Variants in ASTN2 observed in about 807,000 individuals in gnomAD.
ASTN2 encodes the protein astrotactin-2.
A neutral mutation model predicts 139.8 loss-of-function variants in ASTN2; 54 were observed. That is an observed-to-expected ratio of 0.39 (90% CI 0.31 to 0.48). The LOEUF is 0.48. ASTN2 is among the 20% of genes least tolerant of loss of function. The pLI, the probability that ASTN2 is intolerant of heterozygous loss-of-function variation, is 0.95. For synonymous variants in ASTN2, 756 were observed against 719.5 expected (o/e 1.05, Z -0.81); for missense variants, 1,565 against 1,725.1 (o/e 0.91, Z 1.64).
chr9:117,409,411 G>T (rs1029907046), intron 1 of ASTN2, among the ~76,000 whole-genome samples: 1 of 152,202 alleles, frequency 6.6e-6, no homozygotes, highest in African/African-American at 2.4e-5. Flanking sequence ...CGGTCTGCAA[G>T]GAAGTGGGTC....
At chr9:116,673,782 A>G (rs1463060513) in intron 16 of ASTN2, among the ~76,000 whole-genome samples, 1 of 152,160 alleles carries the variant, frequency 6.6e-6, no homozygotes, top group East Asian at 1.9e-4. Context: ...TGAGTTTTCT[A>G]TGCTCCAAAA....
At chr9:116,444,945 G>A (rs562562107) in intron 20 of ASTN2, among the ~76,000 whole-genome samples, 2 of 152,270 alleles carry the variant, frequency 1.3e-5, no homozygotes, top group African/African-American at 4.8e-5. Flanking sequence ...GGAGGTGAGA[G>A]TAAGCAAGTG....
intron 10 of ASTN2, among the ~76,000 whole-genome samples, chr9:116,885,859 T>C (rs1833582379): frequency 6.6e-6 from 1 of 150,448 alleles, no homozygotes; most frequent in African/African-American, 2.5e-5. Context: ...TCAAAGCATG[T>C]CCATCCATTC....
At chr9:116,565,447 A>T (rs1853182594) in intron 19 of ASTN2, among the ~76,000 whole-genome samples, 2 of 105,034 alleles carry the variant, frequency 1.9e-5, no homozygotes, top group Non-Finnish European at 1.9e-5. Flanking sequence ...ATTTATTTTG[A>T]GACAGTGTCT....
At chr9:117,200,245 C>T (rs532395568) in intron 3 of ASTN2, among the ~76,000 whole-genome samples, 1 of 146,828 alleles carries the variant, frequency 6.8e-6, no homozygotes, top group Non-Finnish European at 1.5e-5. Context: ...CCCTACCCAA[C>T]AACAGTCCCC....
At chr9:117,322,337 G>A (rs1299992627) in intron 1 of ASTN2, among the ~76,000 whole-genome samples, 2 of 152,262 alleles carry the variant, frequency 1.3e-5, no homozygotes, top group South Asian at 2.1e-4. Context: ...GAATAAATAC[G>A]TGTATGAACA....
intron 19 of ASTN2, among the ~76,000 whole-genome samples, chr9:116,609,858 A>G (rs1323089360): frequency 1.3e-5 from 2 of 152,166 alleles, no homozygotes; most frequent in African/African-American, 4.8e-5. Context: ...TAAGATTCCT[A>G]TGCTATACTT....
intron 7 of ASTN2, among the ~76,000 whole-genome samples, chr9:117,004,359 G>A (rs556890000): frequency 1.1e-4 from 16 of 152,162 alleles, no homozygotes; most frequent in Admixed American, 2.0e-4. Flanking sequence ...GGGCTCAAGC[G>A]ATCCACTTGC....
At chr9:117,026,642 A>T (rs554241838) in intron 6 of ASTN2, among the ~76,000 whole-genome samples, 82 of 152,226 alleles carry the variant, frequency 5.4e-4, no homozygotes, top group African/African-American at 2.0e-3. Context: ...TGAACTCAAT[A>T]TGGCAGCGCC....
At chr9:116,988,000 C>T (rs1240065254) in intron 7 of ASTN2, among the ~76,000 whole-genome samples, 1 of 152,178 alleles carries the variant, frequency 6.6e-6, no homozygotes, top group Non-Finnish European at 1.5e-5. Flanking sequence ...ACTCAGAATG[C>T]AGCCCAATTT....
At chr9:116,904,473 C>T (rs375767375) in intron 10 of ASTN2, among the ~76,000 whole-genome samples, 71 of 152,306 alleles carry the variant, frequency 4.7e-4, no homozygotes, top group African/African-American at 1.7e-3. Context: ...AGACTGCCTG[C>T]TCTCCAATCC....
rs1033076694 is a variant in ASTN2, at chr9:117,180,486, C to T, written c.1015+33872G>A. On this transcript the variant is annotated intron_variant, in intron 3 of 22. Transcript: ENST00000313400. ...TCCTCTTGAGGGAAGTTCTCATCCACATCGTCAGCACATTTGAATGCCATT... is the reference window on the plus strand; with the variant it reads ...TCCTCTTGAGGGAAGTTCTCATCCATATCGTCAGCACATTTGAATGCCATT... The T allele has an allele frequency of 8.5e-6, 5 of 585,954 alleles. No homozygotes were observed. The African/African-American group carries it at 9.3e-5, about 11-fold the overall frequency. The allele number at this position is 585,954 out of a possible 1,614,324, so 36.3% of individuals were successfully genotyped here.
intron 13 of ASTN2, among the ~76,000 whole-genome samples, chr9:116,800,124 G>A (rs1383467340): frequency 6.6e-6 from 1 of 152,012 alleles, no homozygotes; most frequent in African/African-American, 2.4e-5. Flanking sequence ...CTTCTTTCTT[G>A]ATCTTTTCAT....
chr9:117,201,689 C>T (rs1014944045), intron 3 of ASTN2, among the ~76,000 whole-genome samples: 28 of 152,160 alleles, frequency 1.8e-4, no homozygotes, highest in African/African-American at 5.8e-4. Flanking sequence ...TTTGATTGCA[C>T]TGTGGTGAGA....
At position 116,626,154 on chromosome 9, in the gene ASTN2, G is replaced by GTTTTTTT. The variant is rs751026997; in HGVS notation, c.3073-5718_3073-5712dup. On this transcript the variant is annotated intron_variant, in intron 17 of 22. Coordinates refer to ENST00000313400, the MANE Select transcript of ASTN2 (RefSeq NM_001365068.1). The stretch of plus-strand genomic sequence containing the variant: ...ACCACCATGCCTGGTTAGTTTTTGT[G>GTTTTTTT]TTTTTTTTTTTTTTTTTTTTTTTTT... Among the ~76,000 whole-genome samples, 263 of 34,464 alleles carry GTTTTTTT rather than the reference G, an allele frequency of 7.6e-3. 5 individuals carry two copies. Among genetic ancestry groups the GTTTTTTT allele is most frequent in the East Asian group, 0.027 (20 of 728 alleles). The allele number at this position is 34,464 out of a possible 152,430, so 22.6% of individuals were successfully genotyped here.
At chr9:117,023,640 C>T (rs1232581345) in intron 6 of ASTN2, among the ~76,000 whole-genome samples, 1 of 152,066 alleles carries the variant, frequency 6.6e-6, no homozygotes, top group Non-Finnish European at 1.5e-5. Context: ...TCCAGCACAG[C>T]ATCTTGACTG....
At chr9:117,153,970 G>A (rs976209440) in intron 3 of ASTN2, among the ~76,000 whole-genome samples, 3 of 152,054 alleles carry the variant, frequency 2.0e-5, no homozygotes, top group Non-Finnish European at 4.4e-5. Flanking sequence ...CTGGGAATGG[G>A]GATGAGGAGA....
chr9:116,554,548 C>T (rs940649271), intron 19 of ASTN2, among the ~76,000 whole-genome samples: 6 of 152,210 alleles, frequency 3.9e-5, no homozygotes, highest in African/African-American at 1.4e-4. Context: ...CAAATTAAGT[C>T]ATGAAGGATG....
intron 5 of ASTN2, among the ~76,000 whole-genome samples, chr9:117,062,422 C>T (rs2132690370): frequency 6.6e-6 from 1 of 152,302 alleles, no homozygotes; most frequent in African/African-American, 2.4e-5. Flanking sequence ...TCAGAATTCC[C>T]TATGAGACAT....
Sources: allele counts gnomAD v4.1 joint callset (sites outside exome capture counted in the v4.1 genomes callset), GRCh38; gene constraint gnomAD v4.1.1; transcripts MANE v1.5; gene names NCBI Gene and HGNC (gene_info 2026-07-23, HGNC 2026-07-21).